The following GRIN2B variants were observed in gnomAD, a reference collection of about 807,000 sequenced individuals.
GRIN2B encodes glutamate ionotropic receptor NMDA type subunit 2B.
In GRIN2B, 5 loss-of-function variants were observed where a neutral mutation model predicts 114.5. That is an observed-to-expected ratio of 0.04 (90% CI 0.02 to 0.09). The LOEUF is 0.09. Ranked by LOEUF, GRIN2B falls within the 10% of genes least tolerant of loss-of-function variation. GRIN2B has a pLI of 1.00. For synonymous variants in GRIN2B, 787 were observed against 745.1 expected (o/e 1.06, Z -0.92); for missense variants, 1,108 against 1,943.5 (o/e 0.57, Z 8.08).
At position 13,778,055 on chromosome 12, in the gene GRIN2B, G is replaced by C. The variant is rs1864037894; in HGVS notation, c.412-24140C>G. On this transcript the variant is annotated intron_variant, in intron 3 of 13. Coordinates refer to ENST00000609686, the MANE Select transcript of GRIN2B (RefSeq NM_000834.5). The stretch of plus-strand genomic sequence containing the variant: ...ATTCTGTGAGCTTAATAATCTTGCA[G>C]ACTTGGGTAGACCCAGGGAAAGACC... 3.9e-5 allele frequency among the ~76,000 whole-genome samples: 6 copies of C among 152,206 alleles called. No individual in the cohort carries two copies. In the South Asian group the frequency reaches 1.2e-3, roughly 31 times the overall value.
intron 2 of GRIN2B, among the ~76,000 whole-genome samples, chr12:13,949,346 C>T (rs1022938364): frequency 3.3e-5 from 5 of 152,144 alleles, no homozygotes; most frequent in Non-Finnish European, 7.4e-5. Context: ...CCTAGGCCCT[C>T]CCACATCCTC....
chr12:13,654,825 C>T (rs990285215), intron 5 of GRIN2B, among the ~76,000 whole-genome samples: 1 of 152,020 alleles, frequency 6.6e-6, no homozygotes, highest in Non-Finnish European at 1.5e-5. Flanking sequence ...CTAGATTTGC[C>T]TCCAGTTCTG....
Position 13,783,266 on chromosome 12 carries a change from C to A in GRIN2B, c.412-29351G>T, listed in dbSNP as rs539322894. Among the ~76,000 whole-genome samples the A allele has an allele frequency of 5.3e-5, 8 of 152,100 alleles. No individual in the cohort carries two copies. In the East Asian group the frequency reaches 7.7e-4, roughly 15 times the overall value. On this transcript the variant is annotated intron_variant, in intron 3 of 13. Coordinates refer to ENST00000609686, the MANE Select transcript of GRIN2B (RefSeq NM_000834.5). ...CTGAAAAGACAAACACACACACACA[C>A]AAAAATAAAACACCTCACACACCAG...
At chr12:13,630,113 A>AGT (rs1198647094) in intron 5 of GRIN2B, among the ~76,000 whole-genome samples, 2 of 152,224 alleles carry the variant, frequency 1.3e-5, no homozygotes, top group Admixed American at 1.3e-4. Flanking sequence ...AGCATAAGGA[A>AGT]GATTACCACG....
intron 11 of GRIN2B, 100 bp downstream of exon 11, chr12:13,571,704 A>G (rs1020311249): frequency 4.8e-6 from 6 of 1,240,824 alleles, no homozygotes; most frequent in South Asian, 1.2e-5. Context: ...TTAACATTTT[A>G]TGATACCAAG....
At chr12:13,590,124 T>G (rs1356262510) in intron 10 of GRIN2B, among the ~76,000 whole-genome samples, 1 of 152,050 alleles carries the variant, frequency 6.6e-6, no homozygotes, top group East Asian at 1.9e-4. Context: ...TAGAATAAAT[T>G]AGGTTTACTT....
intron 4 of GRIN2B, among the ~76,000 whole-genome samples, chr12:13,752,867 C>T (rs926792695): frequency 2.6e-5 from 4 of 152,186 alleles, no homozygotes; most frequent in Non-Finnish European, 1.5e-5. Context: ...GCGGACTGGT[C>T]CTCCCTTATT....
At chr12:13,773,241 C>G (rs1442992345) in intron 3 of GRIN2B, among the ~76,000 whole-genome samples, 2 of 152,160 alleles carry the variant, frequency 1.3e-5, no homozygotes, top group Non-Finnish European at 2.9e-5. Context: ...ATATTTCCCC[C>G]AAGTCTAATT....
At chr12:13,815,179 A>G in intron 3 of GRIN2B, among the ~76,000 whole-genome samples, 1 of 152,232 alleles carries the variant, frequency 6.6e-6, no homozygotes. Context: ...CGAATAAATG[A>G]AAGAATAGAT....
chr12:13,928,823 G>T (rs1205568229), intron 2 of GRIN2B, among the ~76,000 whole-genome samples: 1 of 152,218 alleles, frequency 6.6e-6, no homozygotes, highest in Non-Finnish European at 1.5e-5. Flanking sequence ...TATGGGAAAA[G>T]GAATAGTTAA....
intron 10 of GRIN2B, among the ~76,000 whole-genome samples, chr12:13,581,282 T>C (rs1368097947): frequency 3.3e-5 from 5 of 152,334 alleles, no homozygotes; most frequent in South Asian, 4.1e-4. Context: ...GTACAGAAAC[T>C]GACATTATCT....
chr12:13,765,212 G>A (rs751933533), intron 3 of GRIN2B, among the ~76,000 whole-genome samples: 2 of 152,162 alleles, frequency 1.3e-5, no homozygotes, highest in East Asian at 3.8e-4. Context: ...GCCAGCCCAA[G>A]ATCTCAAAGA....
At chr12:13,833,303 A>C (rs1865187529) in intron 3 of GRIN2B, among the ~76,000 whole-genome samples, 1 of 152,164 alleles carries the variant, frequency 6.6e-6, no homozygotes, top group African/African-American at 2.4e-5. Flanking sequence ...AAACAGGAGA[A>C]TTGCCAGGCC....
chr12:13,669,175 T>G (rs1033429891), intron 5 of GRIN2B, among the ~76,000 whole-genome samples: 1 of 152,048 alleles, frequency 6.6e-6, no homozygotes, highest in Non-Finnish European at 1.5e-5. Flanking sequence ...TCAACACTTC[T>G]CTCTGTTAAG....
At position 13,537,956 on chromosome 12, in the gene GRIN2B, A is replaced by C. The variant is rs990242834; in HGVS notation, c.*24827T>G. The C allele has an allele frequency of 1.3e-5, 2 of 152,262 alleles. No individual in the cohort carries two copies. Among genetic ancestry groups the C allele is most frequent in the Non-Finnish European group, 2.9e-5 (2 of 68,050 alleles). 9.4% of individuals were successfully genotyped at this position (152,262 alleles called of 1,614,324 possible). A position where few individuals can be genotyped will look rare whatever the true frequency, so the allele number is the denominator to read the frequency against. ...TTTTTGACAGGCCCTGCAGACTCTC[A>C]GAACCACTTTTCTGGTGGTCTCTTC... On this transcript the variant is annotated 3_prime_UTR_variant, in exon 14 of 14. Coordinates refer to ENST00000609686, the MANE Select transcript of GRIN2B (RefSeq NM_000834.5).
intron 3 of GRIN2B, among the ~76,000 whole-genome samples, chr12:13,865,292 C>T (rs1454468528): frequency 6.6e-6 from 1 of 152,294 alleles, no homozygotes; most frequent in East Asian, 1.9e-4. Flanking sequence ...CTTTTCAAAA[C>T]TATAGGAGTT....
chr12:13,665,861 T>C (rs899285958), intron 5 of GRIN2B, among the ~76,000 whole-genome samples: 1 of 152,220 alleles, frequency 6.6e-6, no homozygotes, highest in African/African-American at 2.4e-5. Context: ...AATTTTGTGT[T>C]CACTTTTCTA....
At chr12:13,802,858 G>C (rs958395060) in intron 3 of GRIN2B, among the ~76,000 whole-genome samples, 1 of 151,970 alleles carries the variant, frequency 6.6e-6, no homozygotes, top group Admixed American at 6.6e-5. Context: ...TTCATGCATT[G>C]CTTTTGTAAC....
intron 2 of GRIN2B, among the ~76,000 whole-genome samples, chr12:13,977,628 G>A (rs1863048397): frequency 6.6e-6 from 1 of 152,112 alleles, no homozygotes; most frequent in African/African-American, 2.4e-5. Flanking sequence ...GGCAGAAGGA[G>A]AAAAGACAAA....
Sources: gnomAD v4.1 joint callset for allele counts (sites outside exome capture counted in the v4.1 genomes callset) on GRCh38, gnomAD v4.1.1 for gene constraint, MANE v1.5 for transcripts, NCBI Gene and HGNC (gene_info 2026-07-23, HGNC 2026-07-21) for gene names.